Variants in EBF1 observed in about 807,000 individuals in gnomAD.
EBF1 encodes the protein EBF transcription factor 1, also known as transcription factor COE1.
A neutral mutation model predicts 68.4 loss-of-function variants in EBF1; 10 were observed. The ratio of observed to expected loss-of-function variants is 0.15; its 90% CI spans 0.09 to 0.25. The LOEUF is 0.25. EBF1 is among the 10% of genes least tolerant of loss of function. EBF1 has a pLI of 1.00. For synonymous variants in EBF1, 298 were observed against 299.8 expected, an observed-to-expected ratio of 0.99 and a Z score of 0.06; for missense variants, 509 against 794.4, an observed-to-expected ratio of 0.64 and a Z score of 4.32.
chr5:158,865,262 C>T (rs1795673383), intron 6 of EBF1, among the ~76,000 whole-genome samples: 1 of 152,138 alleles, frequency 6.6e-6, no homozygotes, highest in South Asian at 2.1e-4. Context: ...CTGAGCAAGC[C>T]TCCAAAATGT....
intron 6 of EBF1, among the ~76,000 whole-genome samples, chr5:158,970,320 A>G (rs1449195397): frequency 6.6e-6 from 1 of 152,162 alleles, no homozygotes; most frequent in African/African-American, 2.4e-5. Context: ...TAGCAAACCA[A>G]TCAACAGCTC....
intron 10 of EBF1, among the ~76,000 whole-genome samples, chr5:158,736,310 G>C (rs905661175): frequency 6.6e-6 from 1 of 152,174 alleles, no homozygotes; most frequent in South Asian, 2.1e-4. Flanking sequence ...GAAATGAGAG[G>C]CTGCAGAGTT....
rs781680897 is a variant in EBF1 at position 158,712,143 on chromosome 5, T to A, written c.1549+11A>T. 2 of 1,613,348 alleles carry A rather than the reference T, an allele frequency of 1.2e-6. No homozygotes were observed. The highest frequency in any genetic ancestry group is 1.7e-6 in the Non-Finnish European group (2 of 1,179,734). On this transcript the variant is annotated intron_variant, in intron 14 of 15. Transcript: ENST00000313708. ...AACGTGCAGGAACGCAGGATATGCA[T>A]CTCTACTTACTGGCATAGGGGGAGT...
At chr5:158,904,327 A>G (rs570457237) in intron 6 of EBF1, among the ~76,000 whole-genome samples, 1 of 152,350 alleles carries the variant, frequency 6.6e-6, no homozygotes, top group Admixed American at 6.5e-5. Flanking sequence ...GCAAGTTCCC[A>G]GCCACGTGTG....
intron 6 of EBF1, among the ~76,000 whole-genome samples, chr5:158,954,083 T>A (rs1371702453): frequency 6.6e-6 from 1 of 152,240 alleles, no homozygotes; most frequent in African/African-American, 2.4e-5. Flanking sequence ...TGTAATATTG[T>A]GCTGATGCAA....
intron 12 of EBF1, 129 bp downstream of exon 12, chr5:158,713,988 T>G (rs1334363643): frequency 4.5e-6 from 4 of 884,974 alleles, no homozygotes; most frequent in Non-Finnish European, 7.1e-6. Context: ...ATGTTATATC[T>G]GAATTACTTA....
chr5:158,730,069 A>T (rs904363951), intron 11 of EBF1, among the ~76,000 whole-genome samples: 2 of 152,266 alleles, frequency 1.3e-5, no homozygotes, highest in African/African-American at 4.8e-5. Context: ...ACACGGATAC[A>T]TAAACCTAGA....
intron 8 of EBF1, among the ~76,000 whole-genome samples, chr5:158,803,536 A>G (rs964340942): frequency 6.6e-6 from 1 of 151,954 alleles, no homozygotes; most frequent in East Asian, 1.9e-4. Flanking sequence ...AGGCAAATCT[A>G]TTCTTTGTTT....
rs140351729 is a variant in EBF1 at position 159,083,881 on chromosome 5, T to C, written c.485+785A>G. Among the ~76,000 whole-genome samples the C allele has an allele frequency of 5.9e-3, 903 of 152,380 alleles. 15 individuals carry two copies. The highest frequency in any genetic ancestry group is 0.019 in the African/African-American group (807 of 41,600). On this transcript the variant is annotated intron_variant, in intron 5 of 15. Transcript: ENST00000313708. The stretch of plus-strand genomic sequence containing the variant: ...GGAGCAAACTGCTGGTGTTACTTTA[T>C]GCAGAATAAGAATGCAAGTTAAAGG...
chr5:158,726,784 T>C (rs900443177), intron 11 of EBF1, among the ~76,000 whole-genome samples: 1 of 152,160 alleles, frequency 6.6e-6, no homozygotes, highest in Non-Finnish European at 1.5e-5. Flanking sequence ...GAACTCAACA[T>C]AGTGACGGCA....
At chr5:158,940,605 C>T in intron 6 of EBF1, among the ~76,000 whole-genome samples, 1 of 152,174 alleles carries the variant, frequency 6.6e-6, no homozygotes, top group Non-Finnish European at 1.5e-5. Flanking sequence ...TGCTATTTGG[C>T]TGCTGTAGTT....
rs1357650531 is a variant in EBF1, at chr5:158,698,663, C to CT, written c.*447dup. On this transcript the variant is annotated 3_prime_UTR_variant, in exon 16 of 16. Transcript: ENST00000313708. ...AAGCTTTTTTTTTTTTCCTTTTTTT[C>CT]TTTTTTTTTTTTTTTACTTTTTTGT... The CT allele has an allele frequency of 0.023, 3,634 of 155,848 alleles. 53 individuals are homozygous for CT. Among genetic ancestry groups the CT allele is most frequent in the African/African-American group, 0.059 (2,027 of 34,490 alleles). The allele number at this position is 155,848 out of a possible 1,614,324, so 9.7% of individuals were successfully genotyped here.
chr5:158,908,444 C>T (rs1466290125), intron 6 of EBF1, among the ~76,000 whole-genome samples: 2 of 152,030 alleles, frequency 1.3e-5, no homozygotes, highest in African/African-American at 2.4e-5. Context: ...CTAGGTAAAC[C>T]CTCATCTTTT....
intron 10 of EBF1, among the ~76,000 whole-genome samples, chr5:158,760,478 T>C (rs1262852007): frequency 6.6e-6 from 1 of 152,180 alleles, no homozygotes; most frequent in African/African-American, 2.4e-5. Flanking sequence ...GAAGAACTTA[T>C]AAAACCAGAG....
intron 8 of EBF1, among the ~76,000 whole-genome samples, chr5:158,811,629 G>C (rs1283320456): frequency 1.3e-5 from 2 of 152,198 alleles, no homozygotes; most frequent in Non-Finnish European, 2.9e-5. Context: ...TGCAGAGAAA[G>C]TACTTAACAA....
At chr5:158,784,686 A>T (rs1777065857) in intron 9 of EBF1, among the ~76,000 whole-genome samples, 1 of 152,188 alleles carries the variant, frequency 6.6e-6, no homozygotes, top group Non-Finnish European at 1.5e-5. Context: ...CACCTTCAAC[A>T]CTTAAAAGTA....
At chr5:159,023,190 T>TAAAAA (rs11291084) in intron 6 of EBF1, among the ~76,000 whole-genome samples, 1 of 142,366 alleles carries the variant, frequency 7.0e-6, no homozygotes, top group Non-Finnish European at 1.5e-5. Context: ...ATTTTCTCAC[T>TAAAAA]AAAAAAAAAA....
chr5:158,991,812 G>A (rs1413332997), intron 6 of EBF1, among the ~76,000 whole-genome samples: 1 of 152,136 alleles, frequency 6.6e-6, no homozygotes, highest in Non-Finnish European at 1.5e-5. Context: ...CTTATGTTGT[G>A]TCTGTGTTAC....
Position 158,751,727 on chromosome 5 carries a change from G to A in EBF1, c.1037-20570C>T, listed in dbSNP as rs894194011. On this transcript the variant is annotated intron_variant, in intron 10 of 15. Transcript: ENST00000313708. ...GGGCTAAATATTTGTAAAACACTTA[G>A]AAGACTACGTTATACAATAAGTACT... Among the ~76,000 whole-genome samples, 65 of 152,156 alleles carry A rather than the reference G, an allele frequency of 4.3e-4. 1 individual carries two copies. The highest frequency in any genetic ancestry group is 1.4e-3 in the African/African-American group (60 of 41,536).
Sources: gnomAD v4.1 joint callset for allele counts (sites outside exome capture counted in the v4.1 genomes callset) on GRCh38, gnomAD v4.1.1 for gene constraint, MANE v1.5 for transcripts, NCBI Gene and HGNC (gene_info 2026-07-23, HGNC 2026-07-21) for gene names.